Variants in ZNF420 observed in about 807,000 individuals in gnomAD.
ZNF420 encodes the protein ATM and p53-associated KZNF protein.
Under a neutral mutation model 44.7 loss-of-function variants are expected in ZNF420, and 31 were observed. The ratio of observed to expected loss-of-function variants is 0.69; its 90% CI spans 0.52 to 0.94. The LOEUF (loss-of-function observed/expected upper bound fraction) is 0.94. Among genes scored for constraint, ZNF420 ranks in the 40% least tolerant of loss-of-function variants. The probability of loss-of-function intolerance (pLI) is 0.00; values close to 1 mark genes in which losing one functional copy is unlikely to be tolerated. For missense variants in ZNF420, 681 were observed against 827.9 expected (o/e 0.82, Z 2.18); for synonymous variants, 245 against 267.4 (o/e 0.92, Z 0.82).
chr19:37,022,788 T>A (rs1297575270), intron 1 of ZNF420, among the ~76,000 whole-genome samples: 1 of 152,168 alleles, frequency 6.6e-6, no homozygotes, highest in Non-Finnish European at 1.5e-5. Flanking sequence ...GGATAAGTAT[T>A]ATCCCCAATA....
At chr19:37,101,871 G>A (rs1969796546) in intron 4 of ZNF420, among the ~76,000 whole-genome samples, 1 of 152,182 alleles carries the variant, frequency 6.6e-6, no homozygotes, top group Non-Finnish European at 1.5e-5. Context: ...GGCTGGAGCT[G>A]AGACTGGGCC....
At chr19:37,053,316 T>G (rs968391569) in intron 1 of ZNF420, among the ~76,000 whole-genome samples, 1 of 152,322 alleles carries the variant, frequency 6.6e-6, no homozygotes, top group East Asian at 1.9e-4. Context: ...ACTTCCTCCT[T>G]TAGCTCAGAG....
chr19:37,029,955 G>A (rs2146395501), intron 1 of ZNF420, among the ~76,000 whole-genome samples: 1 of 152,014 alleles, frequency 6.6e-6, no homozygotes, highest in African/African-American at 2.4e-5. Flanking sequence ...ACATTTTTTG[G>A]TGTGGCAAGG....
chr19:37,055,553 AC>A (rs1967728618), intron 1 of ZNF420, among the ~76,000 whole-genome samples: 1 of 152,190 alleles, frequency 6.6e-6, no homozygotes, highest in Non-Finnish European at 1.5e-5. Context: ...CAGAGCCGAA[AC>A]CGTTTAAAGG....
At chr19:37,059,674 G>T (rs987363831) in intron 1 of ZNF420, among the ~76,000 whole-genome samples, 4 of 152,190 alleles carry the variant, frequency 2.6e-5, no homozygotes, top group Non-Finnish European at 5.9e-5. Flanking sequence ...GGACAGGTCT[G>T]CCTGTGTGCT....
upstream of ZNF420, among the ~76,000 whole-genome samples, chr19:37,077,456 C>T (rs538025631): frequency 2.0e-5 from 3 of 152,290 alleles, no homozygotes; most frequent in African/African-American, 7.2e-5. Context: ...TACCCTAGGA[C>T]TGGTTTTGAA....
chr19:37,042,077 G>A (rs1320830437), intron 1 of ZNF420, among the ~76,000 whole-genome samples: 1 of 152,140 alleles, frequency 6.6e-6, no homozygotes, highest in Non-Finnish European at 1.5e-5. Context: ...TTGGCTCACT[G>A]CAACTTCCGC....
intron 1 of ZNF420, among the ~76,000 whole-genome samples, chr19:37,010,529 CTT>C (rs747575231): frequency 1.3e-5 from 2 of 151,958 alleles, no homozygotes; most frequent in African/African-American, 2.4e-5. Flanking sequence ...CCCATTCTCT[CTT>C]CTCTCTCTGT....
chr19:37,047,774 C>A (rs1043318421), intron 1 of ZNF420, among the ~76,000 whole-genome samples: 1 of 152,156 alleles, frequency 6.6e-6, no homozygotes, highest in Admixed American at 6.5e-5. Context: ...GTTTCTGCAG[C>A]AACGTAAGTA....
At chr19:37,019,407 A>G (rs1281494318) in intron 1 of ZNF420, among the ~76,000 whole-genome samples, 1 of 152,218 alleles carries the variant, frequency 6.6e-6, no homozygotes, top group Admixed American at 6.5e-5. Flanking sequence ...AGAAATGGGA[A>G]CCCTGAGGCA....
At chr19:37,105,025 G>T (rs960279885) in intron 4 of ZNF420, among the ~76,000 whole-genome samples, 1 of 152,062 alleles carries the variant, frequency 6.6e-6, no homozygotes, top group African/African-American at 2.4e-5. Context: ...TGTCAATTTT[G>T]GCTTTTGTTG....
intron 2 of ZNF420, among the ~76,000 whole-genome samples, chr19:37,082,962 C>G (rs1446378752): frequency 6.6e-6 from 1 of 152,172 alleles, no homozygotes; most frequent in African/African-American, 2.4e-5. Flanking sequence ...TCTGTCCCCT[C>G]TACCTGCTCC....
chr19:37,073,723 C>T (rs545663489), upstream of ZNF420, among the ~76,000 whole-genome samples: 5 of 134,130 alleles, frequency 3.7e-5, no homozygotes, highest in South Asian at 4.6e-4. Context: ...GCAGTCTTGG[C>T]GACAGAGCGA....
upstream of ZNF420, among the ~76,000 whole-genome samples, chr19:37,076,546 C>T (rs983728879): frequency 2.0e-5 from 3 of 152,238 alleles, no homozygotes; most frequent in East Asian, 1.9e-4. Context: ...CTGACAGGCC[C>T]CAGTGTGTGA....
chr19:37,035,992 C>G (rs1469363052), intron 1 of ZNF420, among the ~76,000 whole-genome samples: 1 of 152,182 alleles, frequency 6.6e-6, no homozygotes, highest in Non-Finnish European at 1.5e-5. Flanking sequence ...AGTCCCCACT[C>G]TAAGCCCATG....
At chr19:37,081,671 G>T (rs892906224) in intron 2 of ZNF420, among the ~76,000 whole-genome samples, 1 of 150,136 alleles carries the variant, frequency 6.7e-6, no homozygotes, top group African/African-American at 2.5e-5. Context: ...GAATACAGGC[G>T]GGCACGACCA....
chr19:37,088,484 A>G (rs1968955022), intron 2 of ZNF420, among the ~76,000 whole-genome samples: 1 of 152,216 alleles, frequency 6.6e-6, no homozygotes, highest in Non-Finnish European at 1.5e-5. Context: ...ATTGATGGCA[A>G]TGCTAATTGT....
At chr19:37,106,050 C>G (rs994659494) in intron 4 of ZNF420, among the ~76,000 whole-genome samples, 3 of 152,114 alleles carry the variant, frequency 2.0e-5, no homozygotes, top group Non-Finnish European at 4.4e-5. Context: ...TTGCCCTGGC[C>G]AGAACTTCCA....
At chr19:37,033,087 T>C (rs1967292500) in intron 1 of ZNF420, among the ~76,000 whole-genome samples, 1 of 152,228 alleles carries the variant, frequency 6.6e-6, no homozygotes, top group African/African-American at 2.4e-5. Flanking sequence ...GTTATTGGGA[T>C]TGAGGGAGAC....
Sources: gnomAD v4.1 joint callset for allele counts (sites outside exome capture counted in the v4.1 genomes callset) on GRCh38, gnomAD v4.1.1 for gene constraint, MANE v1.5 for transcripts, NCBI Gene and HGNC (gene_info 2026-07-23, HGNC 2026-07-21) for gene names.